The following FZD3 variants were observed in gnomAD, a reference collection of about 807,000 sequenced individuals.
FZD3 encodes frizzled-3.
Under a neutral mutation model 60.7 loss-of-function variants are expected in FZD3, and 30 were observed. The observed-to-expected ratio is 0.49, with a 90% CI of 0.37 to 0.67. The LOEUF (loss-of-function observed/expected upper bound fraction) is 0.67, where lower values mean the gene tolerates loss of function less well. FZD3 is among the 30% of genes least tolerant of loss of function. The pLI is 0.00. For synonymous variants in FZD3, 246 were observed against 275.2 expected (o/e 0.89, Z 1.05); for missense variants, 605 against 838.7 (o/e 0.72, Z 3.44).
intron 7 of FZD3, 22 bp from the exon 8 acceptor site, chr8:28,562,774 CTT>C (rs770076227): frequency 1.4e-6 from 2 of 1,412,700 alleles, no homozygotes; most frequent in Non-Finnish European, 2.0e-6. Flanking sequence ...CTGTTACCCA[CTT>C]CAAAATAAAC....
intron 1 of FZD3, among the ~76,000 whole-genome samples, chr8:28,495,113 A>T (rs1803808986): frequency 6.6e-6 from 1 of 152,176 alleles, no homozygotes; most frequent in African/African-American, 2.4e-5. Context: ...AAGACATGTA[A>T]ACATCTTCCT....
rs1805714207 is a variant in FZD3 at position 28,566,857 on chromosome 8, CTT to C, written c.*3848_*3849del. ...GGCTGGTCATTTTATTTCTCTGAGT[CTT>C]TGTTTCTTCAATGTAAAATGTGGAT... On this transcript the variant is annotated 3_prime_UTR_variant, in exon 8 of 8. Transcript: ENST00000240093. The C allele has an allele frequency of 6.6e-6, 1 of 152,034 alleles. No individual in the cohort carries two copies. The highest frequency in any genetic ancestry group is 6.6e-5 in the Admixed American group (1 of 15,254). The allele number at this position is 152,034 out of a possible 1,614,324, so 9.4% of individuals were successfully genotyped here.
rs766297762 is a variant in FZD3 at position 28,527,123 on chromosome 8, T to A, written c.387-24T>A. On this transcript the variant is annotated intron_variant, in intron 4 of 7. Coordinates refer to ENST00000240093, the MANE Select transcript of FZD3 (RefSeq NM_017412.4). The surrounding 1 kb of genome is among the most constrained non-coding windows in gnomAD (Gnocchi z 5.0). ...TAGATTTCCCCATAAGTAAAAATAG[T>A]TCTCATCTTGTTTTGTTTTTTAGGT... 1 of 1,575,480 alleles carries A rather than the reference T, an allele frequency of 6.3e-7. No homozygotes were observed. The highest frequency in any genetic ancestry group is 2.2e-5 in the East Asian group (1 of 44,636).
intron 5 of FZD3, among the ~76,000 whole-genome samples, chr8:28,529,046 G>A (rs991574194): frequency 2.6e-5 from 4 of 152,004 alleles, no homozygotes; most frequent in African/African-American, 9.7e-5. Context: ...CTCCCAATTA[G>A]CTAGGACTAC....
At chr8:28,496,156 T>A (rs1803837884) in intron 1 of FZD3, among the ~76,000 whole-genome samples, 1 of 152,228 alleles carries the variant, frequency 6.6e-6, no homozygotes, top group Non-Finnish European at 1.5e-5. Context: ...AAGTGCACAT[T>A]CTTTCTTTGT....
intron 5 of FZD3, among the ~76,000 whole-genome samples, chr8:28,541,537 G>A (rs910099680): frequency 2.6e-5 from 4 of 152,116 alleles, no homozygotes; most frequent in Admixed American, 6.6e-5. Context: ...CTAAAGAATC[G>A]AAGTTGGAAG....
chr8:28,504,635 T>C (rs1458672671), intron 3 of FZD3, among the ~76,000 whole-genome samples: 1 of 152,220 alleles, frequency 6.6e-6, no homozygotes, highest in African/African-American at 2.4e-5. Context: ...AAAGGCAGTA[T>C]AATGATACAC....
intron 3 of FZD3, among the ~76,000 whole-genome samples, chr8:28,508,402 T>C (rs1487770362): frequency 6.6e-6 from 1 of 151,584 alleles, no homozygotes; most frequent in Non-Finnish European, 1.5e-5. Context: ...TTTAGGCCTT[T>C]TCATGAACAC....
intron 5 of FZD3, among the ~76,000 whole-genome samples, chr8:28,546,274 G>A (rs1805290658): frequency 6.6e-6 from 1 of 152,148 alleles, no homozygotes; most frequent in Non-Finnish European, 1.5e-5. Flanking sequence ...TGGCTCTCGG[G>A]CCCATAAGAT....
chr8:28,573,090 G>A lies in FZD3; in HGVS notation c.*10079G>A, dbSNP rs1805834259. 1 of 151,972 alleles carries A rather than the reference G, an allele frequency of 6.6e-6. No individual in the cohort carries two copies. Among genetic ancestry groups the A allele is most frequent in the African/African-American group, 2.4e-5 (1 of 41,354 alleles). The allele number at this position is 151,972 out of a possible 1,614,324, so 9.4% of individuals were successfully genotyped here. A position where few individuals can be genotyped will look rare whatever the true frequency, so the allele number is the denominator to read the frequency against. On this transcript the variant is annotated 3_prime_UTR_variant, in exon 8 of 8. Transcript: ENST00000240093. ...TAATTGCTTGGTACACTTCTTCCTA[G>A]GCAATATGCTCATGATACCCTCTTC...
intron 5 of FZD3, among the ~76,000 whole-genome samples, chr8:28,537,710 C>T (rs1484345395): frequency 1.3e-5 from 2 of 152,204 alleles, no homozygotes; most frequent in African/African-American, 4.8e-5. Flanking sequence ...TCTTTTATAA[C>T]AGTGGTTGGT....
rs1316607640 is a variant in FZD3, at chr8:28,570,870, A to G, written c.*7859A>G. 6.6e-6 allele frequency: 1 copy of G among 152,046 alleles called. No individual in the cohort carries two copies. Among genetic ancestry groups the G allele is most frequent in the Non-Finnish European group, 1.5e-5 (1 of 68,020 alleles). 9.4% of individuals were successfully genotyped at this position (152,046 alleles called of 1,614,324 possible). A position where few individuals can be genotyped will look rare whatever the true frequency, so the allele number is the denominator to read the frequency against. On this transcript the variant is annotated 3_prime_UTR_variant, in exon 8 of 8. Coordinates refer to ENST00000240093, the MANE Select transcript of FZD3 (RefSeq NM_017412.4). ...TAGTGGAAAGTTGATATAGGAAGGT[A>G]TACTGGTTTCTGGTGTGATTCTTTA...
At chr8:28,542,589 G>A (rs1297306714) in intron 5 of FZD3, among the ~76,000 whole-genome samples, 5 of 152,138 alleles carry the variant, frequency 3.3e-5, no homozygotes, top group African/African-American at 1.2e-4. Context: ...AGTGAGCCAA[G>A]ATCCTGCCAC....
chr8:28,494,641 G>C (rs1234426305), intron 1 of FZD3, among the ~76,000 whole-genome samples: 1 of 152,072 alleles, frequency 6.6e-6, no homozygotes, highest in Non-Finnish European at 1.5e-5. Context: ...AGGGCTAAGG[G>C]GGGAGCTGCC....
chr8:28,514,023 G>A (rs1223670433), intron 3 of FZD3, among the ~76,000 whole-genome samples: 1 of 152,184 alleles, frequency 6.6e-6, no homozygotes, highest in African/African-American at 2.4e-5. Flanking sequence ...TTTGAACAAA[G>A]AATGGAAGGT....
chr8:28,559,492 A>G (rs746712082), intron 7 of FZD3, among the ~76,000 whole-genome samples: 2 of 152,168 alleles, frequency 1.3e-5, no homozygotes, highest in African/African-American at 2.4e-5. Context: ...AGGCATATAT[A>G]TATATAGTAG....
chr8:28,522,717 C>A (rs923629946), intron 4 of FZD3, among the ~76,000 whole-genome samples: 1 of 151,326 alleles, frequency 6.6e-6, no homozygotes, highest in East Asian at 1.9e-4. Flanking sequence ...CCTCATTATA[C>A]CCTAGGATTG....
At chr8:28,506,910 C>T (rs1804156172) in intron 3 of FZD3, among the ~76,000 whole-genome samples, 1 of 152,094 alleles carries the variant, frequency 6.6e-6, no homozygotes, top group Admixed American at 6.5e-5. Flanking sequence ...AATGAAGTGC[C>T]ATGTATCCAG....
chr8:28,516,018 A>G (rs1166285900), intron 3 of FZD3, among the ~76,000 whole-genome samples: 1 of 152,144 alleles, frequency 6.6e-6, no homozygotes, highest in Non-Finnish European at 1.5e-5. Context: ...GTTTTCTTCT[A>G]TGAGTTTCAT....
Sources: gnomAD v4.1 joint callset for allele counts (sites outside exome capture counted in the v4.1 genomes callset) on GRCh38, gnomAD v4.1.1 for gene constraint, Gnocchi (gnomAD v3.1) non-coding constraint, MANE v1.5 for transcripts, NCBI Gene and HGNC (gene_info 2026-07-23, HGNC 2026-07-21) for gene names.